KIF20B: variants seen among roughly 807,000 people sequenced by gnomAD.
KIF20B encodes the protein kinesin-like protein KIF20B.
A neutral mutation model predicts 232.5 loss-of-function variants in KIF20B; 188 were observed. The observed-to-expected ratio is 0.81, with a 90% CI of 0.72 to 0.91. KIF20B has a LOEUF of 0.91. Ranked by LOEUF, KIF20B falls within the 40% of genes least tolerant of loss-of-function variation. The pLI, the probability that KIF20B is intolerant of heterozygous loss-of-function variation, is 0.00. For missense variants in KIF20B, 2,154 were observed against 2,055.9 expected (o/e 1.05, Z -0.92); for synonymous variants, 712 against 683.0 (o/e 1.04, Z -0.66).
intron 25 of KIF20B, among the ~76,000 whole-genome samples, chr10:89,753,808 T>C (rs758966098): frequency 6.6e-6 from 1 of 152,048 alleles, no homozygotes; most frequent in African/African-American, 2.4e-5. Flanking sequence ...TTAGTAGAGA[T>C]GGGGTTTCAC....
intron 28 of KIF20B, among the ~76,000 whole-genome samples, 174 bp from the exon 29 acceptor site, chr10:89,762,464 G>A (rs1842262162): frequency 6.6e-6 from 1 of 152,170 alleles, no homozygotes; most frequent in African/African-American, 2.4e-5. Flanking sequence ...CATACCATGT[G>A]TGAGCCTGAA....
intron 2 of KIF20B, among the ~76,000 whole-genome samples, chr10:89,706,819 A>G (rs1437135771): frequency 6.6e-6 from 1 of 151,996 alleles, no homozygotes; most frequent in Non-Finnish European, 1.5e-5. Context: ...TAGCTTTATA[A>G]TGATTCTTGA....
intron 19 of KIF20B, among the ~76,000 whole-genome samples, chr10:89,735,462 G>A (rs1293781261): frequency 6.6e-6 from 1 of 151,486 alleles, no homozygotes; most frequent in African/African-American, 2.4e-5. Flanking sequence ...ATAATATTCG[G>A]GACTCATTAA....
chr10:89,729,607 A>G (rs1239748626), intron 18 of KIF20B, among the ~76,000 whole-genome samples: 1 of 152,230 alleles, frequency 6.6e-6, no homozygotes, highest in Non-Finnish European at 1.5e-5. Flanking sequence ...TCAGGGAACT[A>G]TAACATGAAA....
intron 7 of KIF20B, among the ~76,000 whole-genome samples, chr10:89,714,361 C>A (rs925268902): frequency 1.3e-5 from 2 of 151,992 alleles, no homozygotes; most frequent in African/African-American, 4.8e-5. Flanking sequence ...GGCCTGTAGT[C>A]CTAGCTACCT....
intron 8 of KIF20B, among the ~76,000 whole-genome samples, chr10:89,716,075 A>G (rs1297486533): frequency 6.6e-6 from 1 of 152,206 alleles, no homozygotes; most frequent in Non-Finnish European, 1.5e-5. Context: ...ATTCACTAAT[A>G]AATTACAATC....
intron 25 of KIF20B, 135 bp from the exon 26 acceptor site, chr10:89,754,382 TC>T: frequency 2.3e-6 from 1 of 435,984 alleles, no homozygotes. Context: ...GAAGCTTTGA[TC>T]TTGTCATTGT....
chr10:89,723,805 T>C, intron 13 of KIF20B, 159 bp from the exon 14 acceptor site: 1 of 663,064 alleles, frequency 1.5e-6, no homozygotes. Context: ...AACAAATCTT[T>C]GCAAACATAT....
chr10:89,744,012 T>C, intron 22 of KIF20B, 85 bp downstream of exon 22: 1 of 1,114,684 alleles, frequency 9.0e-7, no homozygotes, highest in East Asian at 2.9e-5. Context: ...TTGTTTTTAA[T>C]AACATCCTGT....
rs1027766416 is a variant in KIF20B, at chr10:89,709,544, G to T, written c.351+83G>T. ...AAATTGCTATATAATTGTATATAAT[G>T]AACTATACATTTTATGCTTATGCAA... On this transcript the variant is annotated intron_variant, in intron 4 of 32. Transcript: ENST00000371728. 6 of 859,946 alleles carry T rather than the reference G, an allele frequency of 7.0e-6. No homozygotes were observed. In the African/African-American group the frequency reaches 1.0e-4, roughly 15 times the overall value. 53.3% of individuals were successfully genotyped at this position (859,946 alleles called of 1,614,324 possible).
rs181544234 is a variant in KIF20B, at chr10:89,719,079, A to G, written c.1434+207A>G. Reference sequence around the variant, plus strand: ...CTTTAGTAATAAGAATTAGTAATAAACATCAGTTATAAATTAATGAGTATT... The same window carrying G: ...CTTTAGTAATAAGAATTAGTAATAAGCATCAGTTATAAATTAATGAGTATT... On this transcript the variant is annotated intron_variant, in intron 12 of 32. Coordinates refer to ENST00000371728, the MANE Select transcript of KIF20B (RefSeq NM_001284259.2). Among the ~76,000 whole-genome samples, 236 of 152,310 alleles carry G rather than the reference A, an allele frequency of 1.5e-3. 1 individual carries two copies. Among genetic ancestry groups the G allele is most frequent in the African/African-American group, 5.4e-3 (225 of 41,586 alleles).
chr10:89,770,311 A>G (rs1360383393), intron 31 of KIF20B, among the ~76,000 whole-genome samples: 1 of 152,024 alleles, frequency 6.6e-6, no homozygotes, highest in African/African-American at 2.4e-5. Flanking sequence ...TATCAGACCC[A>G]TTTGTATATT....
At chr10:89,735,423 A>G (rs1841627060) in intron 19 of KIF20B, among the ~76,000 whole-genome samples, 1 of 152,154 alleles carries the variant, frequency 6.6e-6, no homozygotes, top group African/African-American at 2.4e-5. Flanking sequence ...ACATATTTCA[A>G]TAAAATATAA....
chr10:89,757,612 T>C (rs2133161015), intron 26 of KIF20B, among the ~76,000 whole-genome samples: 1 of 152,128 alleles, frequency 6.6e-6, no homozygotes, highest in African/African-American at 2.4e-5. Context: ...CCTGAAAGCT[T>C]TGAAGTTTTT....
chr10:89,770,245 T>G (rs1170202257), intron 31 of KIF20B, among the ~76,000 whole-genome samples: 1 of 152,054 alleles, frequency 6.6e-6, no homozygotes, highest in East Asian at 1.9e-4. Flanking sequence ...TATCCTGAGG[T>G]GCTTCTGTAA....
At chr10:89,747,601 T>C (rs922508936) in intron 23 of KIF20B, among the ~76,000 whole-genome samples, 2 of 151,452 alleles carry the variant, frequency 1.3e-5, no homozygotes, top group African/African-American at 4.9e-5. Context: ...ATGGATGAAG[T>C]TGGAAATCAT....
rs762584646 is a variant in KIF20B, at chr10:89,710,100, G to C, written c.490+35G>C. ...GTTTTATTTTGGTTGGAAAGGATAA[G>C]GAAGCAATAATAATCACTCAGTGTT... is the stretch of plus-strand genomic sequence containing the variant. On this transcript the variant is annotated intron_variant, in intron 5 of 32. Transcript: ENST00000371728. The C allele has an allele frequency of 1.9e-6, 3 of 1,564,720 alleles. No individual in the cohort carries two copies. The South Asian group carries it at 3.6e-5, about 19-fold the overall frequency.
Position 89,729,250 on chromosome 10 carries a change from A to G in KIF20B, c.2391+3A>G, listed in dbSNP as rs758974674. ...TGGAAAACACATTTAAATGCAATGT[A>G]AGAATTTAACCTTGTGTTATATTAA... On this transcript the variant is annotated splice_donor_region_variant and intron_variant, in intron 18 of 32. Coordinates refer to ENST00000371728, the MANE Select transcript of KIF20B (RefSeq NM_001284259.2). 9 of 1,481,144 alleles carry G rather than the reference A, an allele frequency of 6.1e-6. No homozygotes were observed. In the South Asian group the frequency reaches 1.0e-4, roughly 17 times the overall value. The allele number at this position is 1,481,144 out of a possible 1,614,324, so 91.8% of individuals were successfully genotyped here. A position where few individuals can be genotyped will look rare whatever the true frequency, so the allele number is the denominator to read the frequency against.
intron 1 of KIF20B, among the ~76,000 whole-genome samples, chr10:89,702,094 A>ATTG (rs925795506): frequency 6.6e-6 from 1 of 152,124 alleles, no homozygotes; most frequent in Non-Finnish European, 1.5e-5. Flanking sequence ...TAATATTATT[A>ATTG]TTGTTGTTGC....
Sources: gnomAD v4.1 joint callset for allele counts (sites outside exome capture counted in the v4.1 genomes callset) on GRCh38, gnomAD v4.1.1 for gene constraint, MANE v1.5 for transcripts, NCBI Gene and HGNC (gene_info 2026-07-23, HGNC 2026-07-21) for gene names.